Variants in ZSCAN25 observed in about 807,000 individuals in gnomAD.
ZSCAN25 encodes zinc finger and SCAN domain containing 25, also known as zinc finger and SCAN domain-containing protein 25.
Under a neutral mutation model 38.7 loss-of-function variants are expected in ZSCAN25, and 27 were observed. The observed-to-expected ratio is 0.70, with a 90% confidence interval of 0.51 to 0.96. The LOEUF (loss-of-function observed/expected upper bound fraction) is 0.96. Ranked by LOEUF, ZSCAN25 falls within the 40% of genes least tolerant of loss-of-function variation. The pLI is 0.00. For missense variants in ZSCAN25, 637 were observed against 705.9 expected (o/e 0.90, Z 1.11); for synonymous variants, 273 against 277.7 (o/e 0.98, Z 0.17).
chr7:99,732,657 G>A, the ZSCAN25 span, among the ~76,000 whole-genome samples: 2 of 152,134 alleles, frequency 1.3e-5, no homozygotes. Flanking sequence ...ACTGGATGAA[G>A]CAGAAAAGTT....
chr7:99,647,428 C>A, the ZSCAN25 span: 3 of 886,030 alleles, frequency 3.4e-6, no homozygotes, highest in Non-Finnish European at 4.1e-6. Flanking sequence ...TGCTTTTAGA[C>A]ATGCTGCCCA....
the ZSCAN25 span, chr7:99,677,132 A>G: frequency 8.1e-5 from 79 of 975,846 alleles, no homozygotes; most frequent in Middle Eastern, 5.2e-4. Context: ...TCACTATGGC[A>G]GGCCTGCCTG....
At chr7:99,628,990 A>G (rs1252015871) in intron 7 of ZSCAN25, among the ~76,000 whole-genome samples, 1 of 152,222 alleles carries the variant, frequency 6.6e-6, no homozygotes, top group Non-Finnish European at 1.5e-5. Flanking sequence ...GTGGGCGGGC[A>G]CTGGAATTTG....
At chr7:99,665,082 G>A in the ZSCAN25 span, 1 of 1,169,498 alleles carries the variant, frequency 8.6e-7, no homozygotes, top group Non-Finnish European at 1.2e-6. Context: ...TACCTTTTAA[G>A]TGGATGAATT....
chr7:99,685,303 G>A, the ZSCAN25 span: 3 of 1,591,462 alleles, frequency 1.9e-6, no homozygotes, highest in South Asian at 3.3e-5. Context: ...TAGCATCAAA[G>A]TAAACAAAAA....
downstream of ZSCAN25, among the ~76,000 whole-genome samples, chr7:99,635,449 T>C (rs1260472707): frequency 6.6e-6 from 1 of 152,218 alleles, no homozygotes; most frequent in African/African-American, 2.4e-5. Flanking sequence ...CAGTCACCAA[T>C]GATTATTGTT....
At position 99,619,943 on chromosome 7, in the gene ZSCAN25, C is replaced by A. The variant is rs770638076; in HGVS notation, c.337C>A (p.Leu113Met). The change falls in exon 4 of 8, where the codon CTG becomes ATG. Residue 113 changes from leucine to methionine, a missense_variant. Transcript: ENST00000394152. ...REHGPESGKA[L>M]AAMVEDLTER... ...GCATGGCCCAGAGAGTGGCAAGGCC[C>A]TGGCCGCCATGGTGGAGGACCTGAC... 2 of 1,614,068 alleles carry A rather than the reference C, an allele frequency of 1.2e-6. No individual in the cohort carries two copies. The highest frequency in any genetic ancestry group is 8.5e-7 in the Non-Finnish European group (1 of 1,180,052).
chr7:99,717,220 G>T, the ZSCAN25 span: 1 of 1,613,886 alleles, frequency 6.2e-7, no homozygotes, highest in South Asian at 1.1e-5. Context: ...TCCCGCCTCA[G>T]ATTTCTCACC....
At chr7:99,648,071 G>A in the ZSCAN25 span, 1 of 1,127,716 alleles carries the variant, frequency 8.9e-7, no homozygotes, top group Non-Finnish European at 1.1e-6. Context: ...GAGAAGCAGA[G>A]AAGCTGAGTC....
At chr7:99,666,804 G>A in the ZSCAN25 span, 3 of 1,589,202 alleles carry the variant, frequency 1.9e-6, no homozygotes, top group South Asian at 3.4e-5. Context: ...ATTTTGTGAT[G>A]TCTTTTCTGT....
chr7:99,653,690 C>G, the ZSCAN25 span, among the ~76,000 whole-genome samples: 10 of 152,248 alleles, frequency 6.6e-5, no homozygotes, highest in Non-Finnish European at 1.0e-4. This position sits in a 1 kb window ranked among gnomAD's most constrained non-coding sequence, Gnocchi z 4.2. Context: ...ATGTAAATGT[C>G]CCTTTGTGTC....
chr7:99,725,494 A>G, the ZSCAN25 span, among the ~76,000 whole-genome samples: 38 of 152,326 alleles, frequency 2.5e-4, 1 homozygote, highest in South Asian at 7.7e-3. Context: ...CATCCAAGCC[A>G]CAGCTCCCAG....
At chr7:99,685,103 C>A in the ZSCAN25 span, 4 of 1,466,792 alleles carry the variant, frequency 2.7e-6, no homozygotes, top group Admixed American at 6.8e-5. Context: ...TAGGTCACAG[C>A]TTTTTTGAAG....
chr7:99,673,899 T>C, the ZSCAN25 span, among the ~76,000 whole-genome samples: 5 of 152,216 alleles, frequency 3.3e-5, no homozygotes, highest in Admixed American at 1.3e-4. Context: ...ACAATGCTCC[T>C]AGCCTAGTTC....
At chr7:99,665,052 T>C in the ZSCAN25 span, 3 of 1,007,214 alleles carry the variant, frequency 3.0e-6, no homozygotes, top group East Asian at 7.9e-5. Flanking sequence ...TTTTTGATTA[T>C]CTTAAAAACA....
the ZSCAN25 span, chr7:99,666,641 T>C: frequency 6.2e-7 from 1 of 1,614,018 alleles, no homozygotes; most frequent in South Asian, 1.1e-5. Context: ...GCTTCCCGCC[T>C]CAAGTTTCTC....
At chr7:99,686,635 G>A in the ZSCAN25 span, among the ~76,000 whole-genome samples, 3 of 152,196 alleles carry the variant, frequency 2.0e-5, no homozygotes, top group African/African-American at 7.2e-5. Flanking sequence ...AAATGTCCCT[G>A]TCTGACAGCT....
chr7:99,647,911 A>G, the ZSCAN25 span: 1 of 982,640 alleles, frequency 1.0e-6, no homozygotes, highest in African/African-American at 1.7e-5. Context: ...TACAAATAAA[A>G]CGTGATATAA....
chr7:99,648,338 C>T, the ZSCAN25 span: 1 of 1,612,510 alleles, frequency 6.2e-7, no homozygotes, highest in African/African-American at 1.3e-5. Context: ...CTCTTGAATC[C>T]ACCTTTAGAA....
Sources: gnomAD v4.1 joint callset for allele counts (sites outside exome capture counted in the v4.1 genomes callset) on GRCh38, gnomAD v4.1.1 for gene constraint, Gnocchi (gnomAD v3.1) non-coding constraint, MANE v1.5 for transcripts, NCBI Gene and HGNC (gene_info 2026-07-23, HGNC 2026-07-21) for gene names.